NLRP5: variants seen among roughly 807,000 people sequenced by gnomAD.
NLRP5 encodes the protein NACHT, LRR and PYD domains-containing protein 5.
A neutral mutation model predicts 113.1 loss-of-function variants in NLRP5; 93 were observed. That is an observed-to-expected ratio of 0.82 (90% CI 0.70 to 0.98). The LOEUF is 0.98. NLRP5 is among the 50% of genes least tolerant of loss of function. The probability of loss-of-function intolerance (pLI) is 0.00; values close to 1 mark genes in which losing one functional copy is unlikely to be tolerated. For synonymous variants in NLRP5, 751 were observed against 600.7 expected (o/e 1.25, Z -3.66); for missense variants, 1,808 against 1,514.3 (o/e 1.19, Z -3.22).
intron 11 of NLRP5, among the ~76,000 whole-genome samples, chr19:56,048,977 T>TTTA (rs1555770465): frequency 1.7e-5 from 2 of 115,394 alleles, no homozygotes; most frequent in African/African-American, 3.3e-5. Flanking sequence ...TTTTTTTTTT[T>TTTA]AATTTTTTTT....
At chr19:56,026,380 T>G (rs1338424271) in intron 6 of NLRP5, among the ~76,000 whole-genome samples, 10 of 150,998 alleles carry the variant, frequency 6.6e-5, no homozygotes, top group Non-Finnish European at 3.0e-5. Flanking sequence ...TACAGAAAAT[T>G]AGCTGGGCGT....
At chr19:56,007,921 GTGTGTGTGTGTGTT>G (rs1568483145) in intron 2 of NLRP5, among the ~76,000 whole-genome samples, 1 of 91,034 alleles carries the variant, frequency 1.1e-5, no homozygotes, top group Non-Finnish European at 2.5e-5. Flanking sequence ...GTGTGTGTGT[GTGTGTGTGTGTGTT>G]TGAAACAGAG....
intron 6 of NLRP5, among the ~76,000 whole-genome samples, chr19:56,021,443 C>A (rs918315025): frequency 2.6e-5 from 4 of 151,810 alleles, no homozygotes; most frequent in Non-Finnish European, 5.9e-5. Context: ...CATTTTTTTT[C>A]TCCCAAAAAG....
chr19:56,027,112 GGCTCTAGCCAGAAGGATCGTGCTGT>G lies in NLRP5; in HGVS notation c.883_907del (p.Leu295GlyfsTer45). The G allele has an allele frequency of 6.3e-7, 1 of 1,582,400 alleles. No individual in the cohort carries two copies. The highest frequency in any genetic ancestry group is 8.6e-7 in the Non-Finnish European group (1 of 1,164,246). ...ACGGAAAGTCAGGAATTGGGAAATC[GGCTCTAGCCAGAAGGATCGTGCTGT>G]GCTGGGCGCAAGGTGGACTCTACCA... On this transcript the variant is annotated frameshift_variant, in exon 7 of 15. Coordinates refer to ENST00000390649, the MANE Select transcript of NLRP5 (RefSeq NM_153447.4). LOFTEE classifies it high-confidence loss of function.
intron 6 of NLRP5, among the ~76,000 whole-genome samples, chr19:56,021,064 G>A (rs889235215): frequency 3.3e-5 from 5 of 151,912 alleles, no homozygotes; most frequent in African/African-American, 7.3e-5. Flanking sequence ...TAGAGATGGG[G>A]TTTCACCATA....
intron 6 of NLRP5, among the ~76,000 whole-genome samples, chr19:56,021,286 C>T (rs145481841): frequency 6.6e-4 from 100 of 152,288 alleles, no homozygotes; most frequent in African/African-American, 2.3e-3. Flanking sequence ...GATGTAAGAG[C>T]AGGCTTCCCT....
At chr19:56,018,651 A>G (rs1417057189) in intron 4 of NLRP5, 1 of 152,232 alleles carries the variant, frequency 6.6e-6, no homozygotes, top group Non-Finnish European at 1.5e-5. Flanking sequence ...TGCAGTGGCT[A>G]TCCACAAGCA....
intron 2 of NLRP5, among the ~76,000 whole-genome samples, chr19:56,007,187 A>G (rs904118730): frequency 6.6e-5 from 10 of 151,160 alleles, no homozygotes; most frequent in Admixed American, 2.6e-4. Flanking sequence ...ACACGGTAAA[A>G]CCCTGTCTCT....
chr19:56,043,787 C>T (rs1443593909), intron 11 of NLRP5, among the ~76,000 whole-genome samples: 1 of 151,602 alleles, frequency 6.6e-6, no homozygotes, highest in African/African-American at 2.4e-5. Context: ...CCACGTTAGC[C>T]AGGATGGTCT....
intron 3 of NLRP5, among the ~76,000 whole-genome samples, chr19:56,014,774 A>G (rs935046027): frequency 2.0e-5 from 3 of 152,148 alleles, no homozygotes; most frequent in African/African-American, 7.2e-5. Flanking sequence ...ATTGATCTCT[A>G]TATCTGACCT....
chr19:55,999,741 G>A lies in NLRP5; in HGVS notation c.16G>A (p.Gly6Arg), dbSNP rs755152378. 9.9e-6 allele frequency: 16 copies of A among 1,613,160 alleles called. No homozygotes were observed. The highest frequency in any genetic ancestry group is 1.4e-5 in the Non-Finnish European group (16 of 1,179,194). The change falls in exon 1 of 15, where the codon GGA becomes AGA. Residue 6 changes from glycine (G) to arginine (R), a missense_variant. Transcript: ENST00000390649. The stretch of plus-strand genomic sequence containing the variant: ...CGATGTTATCATGAAGGTTGCAGGA[G>A]GACTTGAACTTGGAGCTGCTGCTCT...
the NLRP5 span, among the ~76,000 whole-genome samples, chr19:55,987,635 G>A: frequency 1.3e-5 from 2 of 152,154 alleles, no homozygotes; most frequent in Non-Finnish European, 2.9e-5. Context: ...CTGGGTCTGA[G>A]ACTTCAAGCC....
At chr19:56,025,491 C>T (rs1982806475) in intron 6 of NLRP5, among the ~76,000 whole-genome samples, 1 of 152,000 alleles carries the variant, frequency 6.6e-6, no homozygotes, top group Admixed American at 6.6e-5. Context: ...CTGCAAGCTC[C>T]ACCTTCTGCG....
chr19:56,002,772 A>G (rs1164183300), intron 1 of NLRP5, among the ~76,000 whole-genome samples: 6 of 151,374 alleles, frequency 4.0e-5, no homozygotes, highest in African/African-American at 9.8e-5. Context: ...AGTTTCATCC[A>G]TGTCCCTACA....
At chr19:56,047,364 G>A (rs1219326480) in intron 11 of NLRP5, among the ~76,000 whole-genome samples, 3 of 152,242 alleles carry the variant, frequency 2.0e-5, no homozygotes, top group Non-Finnish European at 1.5e-5. Flanking sequence ...CCTTTTTGAT[G>A]TAGGCGTTGA....
At chr19:56,002,123 T>C (rs773387699) in intron 1 of NLRP5, among the ~76,000 whole-genome samples, 29 of 152,162 alleles carry the variant, frequency 1.9e-4, no homozygotes, top group Non-Finnish European at 4.1e-4. Context: ...ATAAAATGAG[T>C]TAGCAGGTAG....
chr19:56,012,098 A>G (rs554406413), intron 3 of NLRP5, among the ~76,000 whole-genome samples: 1 of 151,944 alleles, frequency 6.6e-6, no homozygotes, highest in Non-Finnish European at 1.5e-5. Flanking sequence ...CATAGCTCCT[A>G]ATATAAATCC....
At chr19:56,030,822 C>T (rs536619694) in intron 7 of NLRP5, among the ~76,000 whole-genome samples, 1 of 145,692 alleles carries the variant, frequency 6.9e-6, no homozygotes, top group East Asian at 2.2e-4. Context: ...TCAAGCGATT[C>T]TCCTGCTTCG....
intron 2 of NLRP5, 60 bp from the exon 3 acceptor site, chr19:56,008,728 T>C: frequency 4.8e-6 from 7 of 1,447,980 alleles, no homozygotes; most frequent in Non-Finnish European, 6.7e-6. Context: ...TTCTTATCCT[T>C]GGCTTGGGTA....
Sources: allele counts gnomAD v4.1 joint callset (sites outside exome capture counted in the v4.1 genomes callset), GRCh38; gene constraint gnomAD v4.1.1; transcripts MANE v1.5; gene names NCBI Gene and HGNC (gene_info 2026-07-23, HGNC 2026-07-21).